TPGS1: variants seen among roughly 807,000 people sequenced by gnomAD.
The protein encoded by TPGS1 is tubulin polyglutamylase complex subunit 1.
Under a neutral mutation model 11.9 loss-of-function variants are expected in TPGS1, and 18 were observed. The observed-to-expected ratio is 1.51, with a 90% CI of 1.04 to 2.24. TPGS1 has a LOEUF of 2.24. Ranked by LOEUF, TPGS1 falls within the 30% of genes most tolerant of loss-of-function variation. The pLI is 0.00. For missense variants in TPGS1, 500 were observed against 443.0 expected, an observed-to-expected ratio of 1.13 and a Z score of -1.16; for synonymous variants, 247 against 218.2, an observed-to-expected ratio of 1.13 and a Z score of -1.16.
rs1269362061 is a variant in TPGS1 at position 518,999 on chromosome 19, T to C, written c.449T>C (p.Ile150Thr). 5 of 1,576,448 alleles carry C rather than the reference T, an allele frequency of 3.2e-6. No homozygotes were observed. Among genetic ancestry groups the C allele is most frequent in the Non-Finnish European group, 4.3e-6 (5 of 1,168,846 alleles). Residue 150 changes from isoleucine to threonine, a missense_variant, in exon 2 of 2, where the codon ATC becomes ACC. Coordinates refer to ENST00000359315, the MANE Select transcript of TPGS1 (RefSeq NM_033513.3). ...ACCTACAGCGAGCTGCTCAGGCGCA[T>C]CTGCCGGGACGGCCAAGCCCCCGAG... ...GRTYSELLRRICRDGQAPEEV... is the reference protein window; with the variant it reads ...GRTYSELLRRTCRDGQAPEEV...
At chr19:515,547 G>A (rs1978925531) in intron 1 of TPGS1, among the ~76,000 whole-genome samples, 1 of 150,490 alleles carries the variant, frequency 6.6e-6, no homozygotes, top group South Asian at 2.1e-4. Context: ...AGACCATCCT[G>A]GCCGACATGG....
rs79477009 is a variant in TPGS1, at chr19:508,073, G to A, written c.338+229G>A. 9.6e-3 allele frequency: 3,809 copies of A among 396,330 alleles called. 128 individuals are homozygous for A. Among genetic ancestry groups the A allele is most frequent in the African/African-American group, 0.071 (3,424 of 48,560 alleles). 24.6% of individuals were successfully genotyped at this position (396,330 alleles called of 1,614,324 possible). A position where few individuals can be genotyped will look rare whatever the true frequency, so the allele number is the denominator to read the frequency against. ...GCATGCGGCGCGAGTCCTTCTGGCC[G>A]GCTTCGCCTTCTGTGATGCCTTTTT... On this transcript the variant is annotated intron_variant, in intron 1 of 1. Coordinates refer to ENST00000359315, the MANE Select transcript of TPGS1 (RefSeq NM_033513.3).
Position 519,304 on chromosome 19 carries a change from C to T in TPGS1, c.754C>T (p.Leu252=). 2.5e-6 allele frequency: 3 copies of T among 1,188,366 alleles called. No homozygotes were observed. Among genetic ancestry groups the T allele is most frequent in the Non-Finnish European group, 3.1e-6 (3 of 960,996 alleles). 73.6% of individuals were successfully genotyped at this position (1,188,366 alleles called of 1,614,324 possible). A position where few individuals can be genotyped will look rare whatever the true frequency, so the allele number is the denominator to read the frequency against. Residue 252 remains leucine (L), a synonymous_variant, in exon 2 of 2, where the codon CTG becomes TTG. Coordinates refer to ENST00000359315, the MANE Select transcript of TPGS1 (RefSeq NM_033513.3). ...CGGCTCGCGCTTGGGGCCCGACAGC[C>T]TGGCGCTGGCGCTGGACCGCGCCGT... The part of the protein sequence containing the change: ...EAGSRLGPDS[L]ALALDRAVGG...
In TPGS1 at chr19:507,850, C is replaced by T. The variant is rs1053668069; in HGVS notation, c.338+6C>T. The T allele has an allele frequency of 1.5e-6, 2 of 1,324,574 alleles. No homozygotes were observed. The highest frequency in any genetic ancestry group is 3.0e-5 in the East Asian group (1 of 32,802). The allele number at this position is 1,324,574 out of a possible 1,614,324, so 82.1% of individuals were successfully genotyped here. A position where few individuals can be genotyped will look rare whatever the true frequency, so the allele number is the denominator to read the frequency against. On this transcript the variant is annotated splice_donor_region_variant and intron_variant, in intron 1 of 1. Coordinates refer to ENST00000359315, the MANE Select transcript of TPGS1 (RefSeq NM_033513.3). The stretch of plus-strand genomic sequence containing the variant: ...CTGGCCCACCACTCCCAGAGGTGCG[C>T]AGTGGGCCGGCTTGGGCGGGTGGGG...
intron 1 of TPGS1, among the ~76,000 whole-genome samples, chr19:512,993 G>T (rs1978846216): frequency 6.6e-6 from 1 of 152,210 alleles, no homozygotes; most frequent in Non-Finnish European, 1.5e-5. Flanking sequence ...CCCCGGGGGA[G>T]TGTGGCCACG....
chr19:510,833 T>C (rs1978773283), intron 1 of TPGS1, among the ~76,000 whole-genome samples: 1 of 152,106 alleles, frequency 6.6e-6, no homozygotes, highest in African/African-American at 2.4e-5. Context: ...TGGGCCAGGG[T>C]TCCCCCGACT....
intron 1 of TPGS1, chr19:508,063 CCTT>C (rs1476107562): frequency 5.0e-6 from 2 of 400,902 alleles, no homozygotes; most frequent in Admixed American, 4.4e-5. Flanking sequence ...CGGCGCGAGT[CCTT>C]CTGGCCGGCT....
At chr19:509,718 C>G (rs1354240038) in intron 1 of TPGS1, 1 of 152,458 alleles carries the variant, frequency 6.6e-6, no homozygotes, top group African/African-American at 2.4e-5. Flanking sequence ...CCTCAACCGC[C>G]TACATCTGCA....
At chr19:512,260 C>A (rs1302133451) in intron 1 of TPGS1, among the ~76,000 whole-genome samples, 2 of 152,146 alleles carry the variant, frequency 1.3e-5, no homozygotes, top group Non-Finnish European at 2.9e-5. Flanking sequence ...ACCGCCTGGG[C>A]TCAAGGGATC....
chr19:513,472 A>T (rs1978859753), intron 1 of TPGS1, among the ~76,000 whole-genome samples: 1 of 152,158 alleles, frequency 6.6e-6, no homozygotes, highest in African/African-American at 2.4e-5. Context: ...TCCATCCCTA[A>T]GCCCTGAACT....
rs576829854 is a variant in TPGS1 at position 518,630 on chromosome 19, G to A, written c.339-259G>A. Among the ~76,000 whole-genome samples, 149 of 138,960 alleles carry A rather than the reference G, an allele frequency of 1.1e-3. 1 individual carries two copies. The highest frequency in any genetic ancestry group is 3.6e-3 in the African/African-American group (125 of 34,766). The allele number at this position is 138,960 out of a possible 152,430, so 91.2% of individuals were successfully genotyped here. ...GAGAGGCCCGGGCTGGGGATGCTTG[G>A]GGGAGGAGAGGCCCGGGCTGGGGAT... On this transcript the variant is annotated intron_variant, in intron 1 of 1. Coordinates refer to ENST00000359315, the MANE Select transcript of TPGS1 (RefSeq NM_033513.3).
chr19:513,415 C>T (rs1978858606), intron 1 of TPGS1, among the ~76,000 whole-genome samples: 1 of 152,164 alleles, frequency 6.6e-6, no homozygotes, highest in Non-Finnish European at 1.5e-5. Flanking sequence ...CCTCAGTTTC[C>T]TCCTCCATAG....
At chr19:512,716 G>A (rs1978835427) in intron 1 of TPGS1, among the ~76,000 whole-genome samples, 1 of 152,266 alleles carries the variant, frequency 6.6e-6, no homozygotes, top group African/African-American at 2.4e-5. Flanking sequence ...GCCCCTGCAA[G>A]CCTCGGCTCC....
chr19:512,902 G>A (rs1244434634), intron 1 of TPGS1, among the ~76,000 whole-genome samples: 2 of 152,186 alleles, frequency 1.3e-5, no homozygotes, highest in African/African-American at 4.8e-5. Context: ...GGTCGCTCGC[G>A]CAGCTCCCAG....
At chr19:516,416 G>A (rs533854134) in intron 1 of TPGS1, among the ~76,000 whole-genome samples, 8 of 147,260 alleles carry the variant, frequency 5.4e-5, no homozygotes, top group Admixed American at 1.4e-4. Context: ...ACGGAGTCTC[G>A]CTCTGTCGCC....
intron 1 of TPGS1, among the ~76,000 whole-genome samples, chr19:516,388 C>CT (rs758220492): frequency 0.17 from 24,668 of 144,312 alleles, 2,866 homozygotes; most frequent in African/African-American, 0.34. Context: ...TTTTCTTTTT[C>CT]TTTTTTTTTT....
At chr19:514,622 G>C (rs181810509) in intron 1 of TPGS1, among the ~76,000 whole-genome samples, 1 of 152,376 alleles carries the variant, frequency 6.6e-6, no homozygotes, top group East Asian at 1.9e-4. Flanking sequence ...CCCAGGTCAT[G>C]CCGGAGGGAA....
intron 1 of TPGS1, chr19:508,229 TC>T (rs1978685427): frequency 2.8e-5 from 5 of 181,114 alleles, no homozygotes; most frequent in African/African-American, 1.2e-4. Flanking sequence ...CCTCATGTTA[TC>T]CCCGTCCATT....
At chr19:518,455 G>A (rs1979034493) in intron 1 of TPGS1, among the ~76,000 whole-genome samples, 1 of 123,378 alleles carries the variant, frequency 8.1e-6, no homozygotes, top group African/African-American at 3.2e-5. Context: ...GGGGAGGAGA[G>A]GCCAGGGCTG....
Sources: allele counts gnomAD v4.1 joint callset (sites outside exome capture counted in the v4.1 genomes callset), GRCh38; gene constraint gnomAD v4.1.1; transcripts MANE v1.5; gene names NCBI Gene and HGNC (gene_info 2026-07-23, HGNC 2026-07-21).